ANKRD36: variants seen among roughly 807,000 people sequenced by gnomAD.
The protein encoded by ANKRD36 is ankyrin repeat domain-containing protein 36A.
A neutral mutation model predicts 278.1 loss-of-function variants in ANKRD36; 179 were observed. That is an observed-to-expected ratio of 0.64 (90% CI 0.57 to 0.73). The LOEUF (loss-of-function observed/expected upper bound fraction) is 0.73. ANKRD36 is among the 30% of genes least tolerant of loss of function. The probability of loss-of-function intolerance (pLI) is 0.00; values close to 1 mark genes in which losing one functional copy is unlikely to be tolerated. For synonymous variants in ANKRD36, 320 were observed against 641.1 expected (o/e 0.50, Z 7.57); for missense variants, 1,159 against 1,956.7 (o/e 0.59, Z 7.69).
chr2:97,192,490 A>G lies in ANKRD36; in HGVS notation c.2348-368A>G, dbSNP rs181209499. 1.1e-3 allele frequency among the ~76,000 whole-genome samples: 167 copies of G among 151,814 alleles called. 1 individual carries two copies. The highest frequency in any genetic ancestry group is 2.0e-3 in the Non-Finnish European group (134 of 67,876). On this transcript the variant is annotated intron_variant, in intron 36 of 75. Transcript: ENST00000420699. ...CCTTTTGATTTGTTGCATGAAAGAC[A>G]TGTGGGATCATGTAGCACCTGCTTT...
At chr2:97,128,647 G>A (rs2039256536) in intron 6 of ANKRD36, among the ~76,000 whole-genome samples, 1 of 151,926 alleles carries the variant, frequency 6.6e-6, no homozygotes, top group South Asian at 2.1e-4. Flanking sequence ...CAGGGAAAAT[G>A]GTCTTGACTT....
In ANKRD36 at chr2:97,207,845, G is replaced by T. The variant is rs1447823313; in HGVS notation, c.3192+6G>T. ...AGAAACCATCAGGCTTGAAGGTAAT[G>T]AAACTGTCATTTATATTGTGAACTA... On this transcript the variant is annotated splice_donor_region_variant and intron_variant, in intron 53 of 75. Coordinates refer to ENST00000420699, the MANE Select transcript of ANKRD36 (RefSeq NM_001354587.1). 4.5e-6 allele frequency: 7 copies of T among 1,546,318 alleles called. No homozygotes were observed. The highest frequency in any genetic ancestry group is 6.1e-6 in the Non-Finnish European group (7 of 1,144,648).
intron 67 of ANKRD36, among the ~76,000 whole-genome samples, chr2:97,228,078 G>A (rs2070521408): frequency 6.6e-6 from 1 of 152,106 alleles, no homozygotes; most frequent in Admixed American, 6.6e-5. Context: ...GTTCATTAAG[G>A]ATACTGGTCT....
chr2:97,156,395 A>G (rs1186564284), intron 15 of ANKRD36, among the ~76,000 whole-genome samples: 1 of 104,924 alleles, frequency 9.5e-6, no homozygotes, highest in Admixed American at 1.1e-4. Context: ...AACAGTCCCC[A>G]GAGTGTGATA....
At chr2:97,170,789 G>T (rs1325568717) in intron 22 of ANKRD36, among the ~76,000 whole-genome samples, 1 of 151,726 alleles carries the variant, frequency 6.6e-6, no homozygotes, top group Non-Finnish European at 1.5e-5. Context: ...GAAAATTTTT[G>T]CAACCTACTC....
intron 30 of ANKRD36, 126 bp from the exon 31 acceptor site, chr2:97,187,072 G>A (rs2057549815): frequency 4.7e-6 from 7 of 1,490,344 alleles, no homozygotes; most frequent in East Asian, 2.4e-5. Flanking sequence ...AAGACATAAA[G>A]TAGAAAACAT....
chr2:97,191,341 G>T (rs2058472615), intron 36 of ANKRD36, among the ~76,000 whole-genome samples, 160 bp downstream of exon 36: 1 of 151,678 alleles, frequency 6.6e-6, no homozygotes, highest in Non-Finnish European at 1.5e-5. Flanking sequence ...TGGTGATGCT[G>T]CTGGTCTGGA....
chr2:97,201,994 AAATTGT>A (rs1483573279), intron 46 of ANKRD36, among the ~76,000 whole-genome samples: 1 of 151,878 alleles, frequency 6.6e-6, no homozygotes, highest in Admixed American at 6.6e-5. Flanking sequence ...ACCATGTTTG[AAATTGT>A]AAGGGTATAT....
chr2:97,261,269 A>G (rs2076729075), intron 75 of ANKRD36, among the ~76,000 whole-genome samples: 1 of 128,760 alleles, frequency 7.8e-6, no homozygotes, highest in Non-Finnish European at 1.5e-5. Context: ...TACTGGCATC[A>G]TGGGGGCTAA....
intron 6 of ANKRD36, among the ~76,000 whole-genome samples, chr2:97,142,393 T>G (rs937755197): frequency 6.6e-6 from 1 of 152,060 alleles, no homozygotes; most frequent in Non-Finnish European, 1.5e-5. Context: ...ACTGTTTCAT[T>G]TTAGTTTTAG....
chr2:97,144,484 A>T, intron 8 of ANKRD36, 34 bp from the exon 9 acceptor site: 1 of 1,602,582 alleles, frequency 6.2e-7, no homozygotes, highest in African/African-American at 1.3e-5. Context: ...TCATATTTAC[A>T]TATGAGTGAT....
At chr2:97,167,418 T>C (rs1314802622) in intron 20 of ANKRD36, among the ~76,000 whole-genome samples, 159 bp from the exon 21 acceptor site, 1 of 152,272 alleles carries the variant, frequency 6.6e-6, no homozygotes, top group Non-Finnish European at 1.5e-5. Context: ...TATTTGGTCC[T>C]TTCTTTTGAC....
chr2:97,160,101 A>G (rs906174732), intron 17 of ANKRD36, among the ~76,000 whole-genome samples: 2 of 152,228 alleles, frequency 1.3e-5, no homozygotes, highest in African/African-American at 4.8e-5. Context: ...TTAATTTTAT[A>G]GGAGGTTTCT....
In ANKRD36 at chr2:97,202,259, C is replaced by G. The variant is rs781690590; in HGVS notation, c.2886+29C>G. 3.1e-6 allele frequency: 5 copies of G among 1,607,360 alleles called. No individual in the cohort carries two copies. The South Asian group carries it at 3.3e-5, about 11-fold the overall frequency. The stretch of plus-strand genomic sequence containing the variant: ...ATGAAACTCCCATTTATCTTGTGAA[C>G]GAGTTAATGTATGGTCTATGAAACA... On this transcript the variant is annotated intron_variant, in intron 47 of 75. Transcript: ENST00000420699.
At chr2:97,146,557 G>C (rs2044312164) in intron 11 of ANKRD36, 41 bp downstream of exon 11, 1 of 1,450,076 alleles carries the variant, frequency 6.9e-7, no homozygotes, top group South Asian at 1.3e-5. Context: ...TGTTAACTTA[G>C]TTAATAGAGA....
intron 26 of ANKRD36, among the ~76,000 whole-genome samples, chr2:97,183,178 C>T (rs937975655): frequency 7.2e-5 from 11 of 151,858 alleles, no homozygotes; most frequent in South Asian, 2.1e-4. Flanking sequence ...TTTCATCATT[C>T]GGCATATCCA....
At chr2:97,115,036 C>G (rs1166739997) in intron 1 of ANKRD36, among the ~76,000 whole-genome samples, 1 of 151,950 alleles carries the variant, frequency 6.6e-6, no homozygotes, top group Non-Finnish European at 1.5e-5. Flanking sequence ...GTTAGAAAAT[C>G]CAGGAACACA....
chr2:97,218,659 G>A (rs2066580786), intron 64 of ANKRD36, among the ~76,000 whole-genome samples: 1 of 152,080 alleles, frequency 6.6e-6, no homozygotes, highest in African/African-American at 2.4e-5. Context: ...CTGGTATAAA[G>A]CCTTCTGATG....
chr2:97,192,880 CT>C lies in ANKRD36; in HGVS notation c.2372del (p.Leu791Ter). 1.9e-6 allele frequency: 3 copies of C among 1,603,918 alleles called. No homozygotes were observed. The highest frequency in any genetic ancestry group is 2.5e-6 in the Non-Finnish European group (3 of 1,177,610). On this transcript the variant is annotated frameshift_variant, in exon 37 of 76. Coordinates refer to ENST00000420699, the MANE Select transcript of ANKRD36 (RefSeq NM_001354587.1). LOFTEE classifies it high-confidence loss of function. ...CAGTGTCTTCTCAGAAACCACCAGCCTTGACGGTAATGAAACACTCATTTAT... is the reference window on the plus strand; with the variant it reads ...CAGTGTCTTCTCAGAAACCACCAGCCTGACGGTAATGAAACACTCATTTAT... Reference protein sequence around the residue: ...GTVSSQKPPALTATSDEEGSV... With the variant: ...GTVSSQKPPAXTATSDEEGSV...
Sources: allele counts gnomAD v4.1 joint callset (sites outside exome capture counted in the v4.1 genomes callset), GRCh38; gene constraint gnomAD v4.1.1; transcripts MANE v1.5; gene names NCBI Gene and HGNC (gene_info 2026-07-23, HGNC 2026-07-21).